RBFOX1: variants seen among roughly 807,000 people sequenced by gnomAD.
RBFOX1 encodes RNA binding fox-1 homolog 1.
A neutral mutation model predicts 57.7 loss-of-function variants in RBFOX1; 8 were observed. The ratio of observed to expected loss-of-function variants is 0.14; its 90% CI spans 0.08 to 0.25. The LOEUF is 0.25. Ranked by LOEUF, RBFOX1 falls within the 10% of genes least tolerant of loss-of-function variation. RBFOX1 has a pLI of 1.00. For synonymous variants in RBFOX1, 326 were observed against 222.4 expected, an observed-to-expected ratio of 1.47 and a Z score of -4.15; for missense variants, 611 against 548.5, an observed-to-expected ratio of 1.11 and a Z score of -1.14.
chr16:7,488,999 C>G (rs771557912), intron 4 of RBFOX1, among the ~76,000 whole-genome samples: 21 of 152,172 alleles, frequency 1.4e-4, no homozygotes, highest in Non-Finnish European at 2.6e-4. Flanking sequence ...CTCTATTGCT[C>G]TGTCATTATA....
At chr16:6,148,361 G>C (rs1296568088) in intron 1 of RBFOX1, among the ~76,000 whole-genome samples, 1 of 152,150 alleles carries the variant, frequency 6.6e-6, no homozygotes, top group African/African-American at 2.4e-5. Flanking sequence ...CAATGTGCTG[G>C]TCATACTTCC....
At chr16:7,017,486 A>G (rs374214085) in intron 3 of RBFOX1, among the ~76,000 whole-genome samples, 172 of 152,308 alleles carry the variant, frequency 1.1e-3, no homozygotes, top group African/African-American at 3.9e-3. Context: ...TGCTTGTAAA[A>G]TATAGCCAGA....
chr16:7,621,796 G>C (rs2059356972), intron 10 of RBFOX1, among the ~76,000 whole-genome samples: 1 of 152,152 alleles, frequency 6.6e-6, no homozygotes, highest in Non-Finnish European at 1.5e-5. Flanking sequence ...AGGGATCTTA[G>C]AACACTGATC....
chr16:5,470,888 G>T (rs1449086796), intron 2 of RBFOX1, among the ~76,000 whole-genome samples: 1 of 152,060 alleles, frequency 6.6e-6, no homozygotes, highest in Non-Finnish European at 1.5e-5. Flanking sequence ...TTTCGCTCTC[G>T]TCACCCAGGC....
intron 2 of RBFOX1, among the ~76,000 whole-genome samples, chr16:5,482,188 G>T (rs2069567493): frequency 6.6e-6 from 1 of 152,172 alleles, no homozygotes; most frequent in Non-Finnish European, 1.5e-5. Context: ...GGATTTGTAA[G>T]ACCTTTTGTT....
chr16:6,871,633 C>G (rs2060900745), intron 3 of RBFOX1, among the ~76,000 whole-genome samples: 1 of 152,104 alleles, frequency 6.6e-6, no homozygotes, highest in African/African-American at 2.4e-5. Flanking sequence ...CTCTTCCCTC[C>G]TGCCTGGAGT....
chr16:7,177,775 A>C (rs1404458096), intron 4 of RBFOX1, among the ~76,000 whole-genome samples: 1 of 152,086 alleles, frequency 6.6e-6, no homozygotes, highest in Admixed American at 6.6e-5. Context: ...CAACTCCTCA[A>C]CTCTTCTGTT....
intron 3 of RBFOX1, among the ~76,000 whole-genome samples, chr16:7,020,258 C>T (rs540298784): frequency 5.9e-5 from 9 of 152,180 alleles, no homozygotes; most frequent in African/African-American, 1.9e-4. Context: ...CAGAATCTTG[C>T]CCTGTTACCC....
intron 2 of RBFOX1, among the ~76,000 whole-genome samples, chr16:5,558,987 C>G (rs1442690834): frequency 6.6e-6 from 1 of 151,890 alleles, no homozygotes; most frequent in African/African-American, 2.4e-5. Flanking sequence ...GGAGGTGATC[C>G]CACACTCTCA....
intron 3 of RBFOX1, among the ~76,000 whole-genome samples, chr16:6,851,591 A>G (rs1275025014): frequency 6.6e-6 from 1 of 152,184 alleles, no homozygotes; most frequent in Non-Finnish European, 1.5e-5. Flanking sequence ...CTTTCCCCTA[A>G]GAGATCTTGT....
At chr16:6,277,713 T>G (rs1164783275) in intron 1 of RBFOX1, among the ~76,000 whole-genome samples, 1 of 150,832 alleles carries the variant, frequency 6.6e-6, no homozygotes, top group African/African-American at 2.4e-5. Flanking sequence ...CCGTGCTGAC[T>G]CCTTGGATCC....
At chr16:5,305,883 C>A (rs1567309470) in intron 1 of RBFOX1, among the ~76,000 whole-genome samples, 1 of 151,774 alleles carries the variant, frequency 6.6e-6, no homozygotes, top group Non-Finnish European at 1.5e-5. Flanking sequence ...ATAGTGAGAC[C>A]CCATCTGTAC....
chr16:6,347,239 G>C (rs1045986930), intron 2 of RBFOX1, among the ~76,000 whole-genome samples: 3 of 152,162 alleles, frequency 2.0e-5, no homozygotes, highest in Admixed American at 6.5e-5. Flanking sequence ...GAGTCAACTA[G>C]GGAAGTCATG....
In RBFOX1 at chr16:6,193,370, A is replaced by ACACACAT. The variant is rs1567650576; in HGVS notation, c.-126-123625_-126-123624insCACACAT. On this transcript the variant is annotated intron_variant, in intron 1 of 15. Coordinates refer to ENST00000550418, the MANE Select transcript of RBFOX1 (RefSeq NM_018723.4). ...ATATATATACATTATATATATATAT[A>ACACACAT]TATATACATTATATATATATACTAT... Among the ~76,000 whole-genome samples the ACACACAT allele has an allele frequency of 4.5e-5, 5 of 111,992 alleles. 1 individual carries two copies. Among genetic ancestry groups the ACACACAT allele is most frequent in the African/African-American group, 1.7e-4 (5 of 30,068 alleles). 73.5% of individuals were successfully genotyped at this position (111,992 alleles called of 152,430 possible). A position where few individuals can be genotyped will look rare whatever the true frequency, so the allele number is the denominator to read the frequency against.
chr16:7,141,888 G>A (rs2073879267), intron 4 of RBFOX1, among the ~76,000 whole-genome samples: 1 of 152,126 alleles, frequency 6.6e-6, no homozygotes, highest in African/African-American at 2.4e-5. Context: ...CAGCCATAGT[G>A]ACCTTGGAAA....
At position 6,237,128 on chromosome 16, in the gene RBFOX1, A is replaced by C. The variant is rs544968193; in HGVS notation, c.-126-79867A>C. 1.5e-3 allele frequency among the ~76,000 whole-genome samples: 227 copies of C among 152,304 alleles called. 1 individual carries two copies. Among genetic ancestry groups the C allele is most frequent in the Non-Finnish European group, 2.8e-3 (193 of 68,022 alleles). ...TGAGCCAAAATCATGGTACTTACTA[A>C]AATCTTACTGGAAGTCCCTAAAATC... On this transcript the variant is annotated intron_variant, in intron 1 of 15. Transcript: ENST00000550418.
At chr16:6,156,237 A>T (rs1352504726) in intron 1 of RBFOX1, among the ~76,000 whole-genome samples, 2 of 152,186 alleles carry the variant, frequency 1.3e-5, no homozygotes, top group Non-Finnish European at 2.9e-5. Context: ...GAATGTGCAG[A>T]CACTGTCCGT....
intron 1 of RBFOX1, among the ~76,000 whole-genome samples, chr16:5,414,804 G>A (rs1379928320): frequency 4.6e-5 from 7 of 152,178 alleles, no homozygotes; most frequent in African/African-American, 1.4e-4. Flanking sequence ...GACATATAGA[G>A]TTGGGGGTAG....
At chr16:5,594,497 T>G (rs1347285224) in intron 2 of RBFOX1, among the ~76,000 whole-genome samples, 1 of 152,134 alleles carries the variant, frequency 6.6e-6, no homozygotes, top group African/African-American at 2.4e-5. Flanking sequence ...ACATAAGACA[T>G]CAATGCATAT....
Sources: allele counts gnomAD v4.1 joint callset (sites outside exome capture counted in the v4.1 genomes callset), GRCh38; gene constraint gnomAD v4.1.1; transcripts MANE v1.5; gene names NCBI Gene and HGNC (gene_info 2026-07-23, HGNC 2026-07-21).